Variants in DCAF6 observed in about 807,000 individuals in gnomAD.
The protein encoded by DCAF6 is DDB1- and CUL4-associated factor 6.
A neutral mutation model predicts 125.1 loss-of-function variants in DCAF6; 54 were observed. The ratio of observed to expected loss-of-function variants is 0.43; its 90% CI spans 0.35 to 0.54. The LOEUF (loss-of-function observed/expected upper bound fraction) is 0.54. DCAF6 is among the 20% of genes least tolerant of loss of function. The probability of loss-of-function intolerance (pLI) is 0.01; values close to 1 mark genes in which losing one functional copy is unlikely to be tolerated. For synonymous variants in DCAF6, 371 were observed against 390.4 expected (o/e 0.95, Z 0.58); for missense variants, 934 against 1,161.7 (o/e 0.80, Z 2.85).
chr1:168,027,419 G>A (rs924546303), intron 12 of DCAF6, among the ~76,000 whole-genome samples: 3 of 152,060 alleles, frequency 2.0e-5, no homozygotes, highest in African/African-American at 7.2e-5. Flanking sequence ...CTTGTTCTCA[G>A]TTTTACCATG....
At chr1:167,883,468 C>T in the DCAF6 span, 1 of 1,614,192 alleles carries the variant, frequency 6.2e-7, no homozygotes, top group South Asian at 1.1e-5. Flanking sequence ...ATTGATTTGG[C>T]CTTGGAAGAT....
chr1:167,906,542 C>T, the DCAF6 span, among the ~76,000 whole-genome samples: 1 of 150,888 alleles, frequency 6.6e-6, no homozygotes, highest in African/African-American at 2.4e-5. Flanking sequence ...AATCCCAGCA[C>T]TTTGGGAGGC....
intron 17 of DCAF6, among the ~76,000 whole-genome samples, chr1:168,059,363 TCAGA>T (rs1302549052): frequency 6.6e-6 from 1 of 152,228 alleles, no homozygotes; most frequent in Admixed American, 6.5e-5. Flanking sequence ...TTTTGTTTCA[TCAGA>T]CAATTTGCCT....
the DCAF6 span, among the ~76,000 whole-genome samples, chr1:167,910,365 T>A: frequency 6.6e-6 from 1 of 152,232 alleles, no homozygotes; most frequent in African/African-American, 2.4e-5. Context: ...ATGTGAGGAA[T>A]GATGGCAGAG....
At chr1:167,969,513 G>A (rs571908372) in intron 3 of DCAF6, among the ~76,000 whole-genome samples, 18 of 152,128 alleles carry the variant, frequency 1.2e-4, no homozygotes, top group Non-Finnish European at 2.2e-4. Flanking sequence ...CATGGTATTA[G>A]CAGTCCAAAG....
intron 21 of DCAF6, among the ~76,000 whole-genome samples, chr1:168,073,434 A>G (rs1162435724): frequency 6.6e-6 from 1 of 152,198 alleles, no homozygotes; most frequent in African/African-American, 2.4e-5. Flanking sequence ...ATTTGAGGAG[A>G]GAACAACTAT....
chr1:168,075,259 C>A, intron 21 of DCAF6, 112 bp from the exon 22 acceptor site: 1 of 937,440 alleles, frequency 1.1e-6, no homozygotes, highest in South Asian at 1.7e-5. Context: ...GACATCCACA[C>A]ATAGTGGTGA....
At chr1:167,912,798 G>A in the DCAF6 span, among the ~76,000 whole-genome samples, 1 of 152,188 alleles carries the variant, frequency 6.6e-6, no homozygotes, top group Admixed American at 6.5e-5. Context: ...CATCGGAGCC[G>A]TATCAATTCT....
rs372600187 is a variant in DCAF6, at chr1:168,036,177, A to G, written c.1610-2194A>G. Reference sequence around the variant, plus strand: ...TTCTTGCCTTTGGTGGGGAACCTGTATAAATGTTTTCTGCTCTGTTCTGAT... The same window carrying G: ...TTCTTGCCTTTGGTGGGGAACCTGTGTAAATGTTTTCTGCTCTGTTCTGAT... On this transcript the variant is annotated intron_variant, in intron 12 of 21. Transcript: ENST00000367840. 7.7e-4 allele frequency among the ~76,000 whole-genome samples: 117 copies of G among 152,338 alleles called. 1 individual carries two copies. In the South Asian group the frequency reaches 0.022, roughly 29 times the overall value.
chr1:168,060,296 C>T (rs758589522), intron 17 of DCAF6, among the ~76,000 whole-genome samples: 15 of 152,104 alleles, frequency 9.9e-5, no homozygotes, highest in African/African-American at 2.7e-4. Context: ...CCTCCCACCT[C>T]GGCCTCCCAA....
At chr1:167,932,328 A>T (rs763621229), upstream of DCAF6, among the ~76,000 whole-genome samples, 3 of 152,206 alleles carry the variant, frequency 2.0e-5, no homozygotes, top group Non-Finnish European at 4.4e-5. Flanking sequence ...GAATGTATAC[A>T]CAATGAAAAA....
the DCAF6 span, chr1:167,920,483 T>C: frequency 1.3e-6 from 2 of 1,524,558 alleles, no homozygotes; most frequent in Non-Finnish European, 9.0e-7. Context: ...AATAAACTGA[T>C]ATAAAAGAAA....
At chr1:168,012,708 T>C (rs1328878910) in intron 10 of DCAF6, among the ~76,000 whole-genome samples, 1 of 152,214 alleles carries the variant, frequency 6.6e-6, no homozygotes. Flanking sequence ...ATGTGGTGAC[T>C]TCTCTTCTGA....
At chr1:167,877,109 C>G in the DCAF6 span, among the ~76,000 whole-genome samples, 2 of 151,812 alleles carry the variant, frequency 1.3e-5, no homozygotes, top group Non-Finnish European at 2.9e-5. Flanking sequence ...TTTGTGATTG[C>G]CCGTAAGGTC....
the DCAF6 span, among the ~76,000 whole-genome samples, chr1:167,872,731 T>C: frequency 1.3e-5 from 2 of 149,718 alleles, no homozygotes; most frequent in African/African-American, 4.9e-5. Flanking sequence ...GATCTTTATG[T>C]CATACTGGTG....
chr1:168,065,386 A>G lies in DCAF6; in HGVS notation c.2440-204A>G, dbSNP rs186179082. On this transcript the variant is annotated intron_variant, in intron 18 of 21. Coordinates refer to ENST00000367840, the MANE Select transcript of DCAF6 (RefSeq NM_001198956.2). ...TGGTCTCAAACTCCTCAGCTCAGGC[A>G]GTCCTCCTGCCTTGGCCTCCCAAAG... 1.7e-3 allele frequency among the ~76,000 whole-genome samples: 265 copies of G among 152,154 alleles called. 2 individuals are homozygous for G. The highest frequency in any genetic ancestry group is 3.2e-3 in the Admixed American group (49 of 15,288).
chr1:167,993,175 T>G, intron 6 of DCAF6, 51 bp from the exon 7 acceptor site: 1 of 1,473,252 alleles, frequency 6.8e-7, no homozygotes, highest in Non-Finnish European at 9.2e-7. Flanking sequence ...TTAAAAAATG[T>G]TTTTCTTTAA....
At chr1:167,924,633 T>A in the DCAF6 span, 2 of 881,676 alleles carry the variant, frequency 2.3e-6, no homozygotes, top group Non-Finnish European at 3.4e-6. Context: ...CCAAAGGATT[T>A]ATCAACCTAT....
At chr1:167,972,666 G>A (rs1373605827) in intron 3 of DCAF6, among the ~76,000 whole-genome samples, 1 of 152,144 alleles carries the variant, frequency 6.6e-6, no homozygotes, top group Non-Finnish European at 1.5e-5. Context: ...TGGCTCTGCT[G>A]GTGGATTTGA....
Sources: gnomAD v4.1 joint callset for allele counts (sites outside exome capture counted in the v4.1 genomes callset) on GRCh38, gnomAD v4.1.1 for gene constraint, MANE v1.5 for transcripts, NCBI Gene and HGNC (gene_info 2026-07-23, HGNC 2026-07-21) for gene names.